Variants in PTPRB observed in about 807,000 individuals in gnomAD.
PTPRB encodes the protein protein tyrosine phosphatase receptor type B, also known as receptor-type tyrosine-protein phosphatase beta.
In PTPRB, 97 loss-of-function variants were observed where a neutral mutation model predicts 238.1. That is an observed-to-expected ratio of 0.41 (90% confidence interval 0.35 to 0.48). PTPRB has a LOEUF of 0.48. Among genes scored for constraint, PTPRB ranks in the 20% least tolerant of loss-of-function variants. The probability of loss-of-function intolerance (pLI) is 0.30; values close to 1 mark genes in which losing one functional copy is unlikely to be tolerated. For missense variants in PTPRB, 2,292 were observed against 2,681.9 expected, an observed-to-expected ratio of 0.85 and a Z score of 3.21; for synonymous variants, 970 against 995.4, an observed-to-expected ratio of 0.97 and a Z score of 0.48.
chr12:70,541,027 T>A lies in PTPRB; in HGVS notation c.5495-70A>T, dbSNP rs550498370. The stretch of plus-strand genomic sequence containing the variant: ...AGTGCTAGGGAACCAGTAAGAAAGC[T>A]ATTGAAGCCATATCTCCCAAGTAAT... On this transcript the variant is annotated intron_variant, in intron 22 of 33. Coordinates refer to ENST00000334414, the MANE Select transcript of PTPRB (RefSeq NM_001109754.4). 3.8e-5 allele frequency: 47 copies of A among 1,226,192 alleles called. No homozygotes were observed. In the African/African-American group the frequency reaches 7.0e-4, roughly 18 times the overall value. The allele number at this position is 1,226,192 out of a possible 1,614,324, so 76.0% of individuals were successfully genotyped here. A position where few individuals can be genotyped will look rare whatever the true frequency, so the allele number is the denominator to read the frequency against.
At chr12:70,606,118 C>A (rs1180804836) in intron 4 of PTPRB, among the ~76,000 whole-genome samples, 1 of 152,124 alleles carries the variant, frequency 6.6e-6, no homozygotes, top group East Asian at 1.9e-4. Context: ...AGTCCTCATC[C>A]AGAAAAGATG....
At chr12:70,523,401 A>AT (rs138400521) in intron 33 of PTPRB, among the ~76,000 whole-genome samples, 10,171 of 150,482 alleles carry the variant, frequency 0.068, 396 homozygotes, top group Middle Eastern at 0.11. Context: ...TTCATGCATA[A>AT]TTTTTTTTTT....
chr12:70,610,436 TCTTC>T (rs1884377328), intron 3 of PTPRB, among the ~76,000 whole-genome samples: 1 of 123,392 alleles, frequency 8.1e-6, no homozygotes, highest in Non-Finnish European at 1.6e-5. Context: ...CCCCTCCCTA[TCTTC>T]CTTCCTATCT....
intron 32 of PTPRB, among the ~76,000 whole-genome samples, chr12:70,529,282 G>A (rs892249203): frequency 5.9e-5 from 9 of 152,168 alleles, no homozygotes; most frequent in African/African-American, 1.9e-4. Context: ...GATATTGACA[G>A]TAGAGTCCCT....
intron 8 of PTPRB, among the ~76,000 whole-genome samples, chr12:70,588,420 G>A (rs1436248741): frequency 1.3e-5 from 2 of 152,108 alleles, no homozygotes; most frequent in Non-Finnish European, 2.9e-5. Context: ...GATCACCTGA[G>A]GTCAAGAGTT....
At chr12:70,565,501 G>A (rs1044849579) in intron 15 of PTPRB, among the ~76,000 whole-genome samples, 1 of 152,184 alleles carries the variant, frequency 6.6e-6, no homozygotes, top group Non-Finnish European at 1.5e-5. Flanking sequence ...CTTTTATGAA[G>A]ATGTCTCAAT....
In PTPRB at chr12:70,590,052, C is replaced by T. The variant is rs753280503; in HGVS notation, c.1962G>A (p.Thr654=). 2 of 1,613,918 alleles carry T rather than the reference C, an allele frequency of 1.2e-6. No homozygotes were observed. The highest frequency in any genetic ancestry group is 2.2e-5 in the East Asian group (1 of 44,874). The part of the protein sequence containing the change: ...KEETQYVMDD[T]GLVPGRQYEV... ...CATACTGTCTTCCCGGTACGAGCCC[C>T]GTGTCATCCATGACATACTGTGTTT... The change falls in exon 8 of 34, where the codon ACG becomes ACA. Residue 654 remains threonine, a synonymous_variant. Coordinates refer to ENST00000334414, the MANE Select transcript of PTPRB (RefSeq NM_001109754.4).
chr12:70,534,726 G>A (rs1429739824), intron 30 of PTPRB, 75 bp from the exon 31 acceptor site: 1 of 1,597,848 alleles, frequency 6.3e-7, no homozygotes, highest in South Asian at 1.1e-5. Context: ...GAGCCATGGA[G>A]CAACTCCTAT....
intron 32 of PTPRB, among the ~76,000 whole-genome samples, chr12:70,524,859 ATGTGTG>A (rs200984866): frequency 1.3e-5 from 2 of 150,474 alleles, no homozygotes; most frequent in East Asian, 3.9e-4. Flanking sequence ...ATGTGTGTAT[ATGTGTG>A]TATATATGTG....
At position 70,592,554 on chromosome 12, in the gene PTPRB, G is replaced by A. The variant is rs771638853; in HGVS notation, c.1517-9C>T. ...TGAGACTTCCATGGGGGCTAATCAG[G>A]AAAGAACAGAAAGGAGACTTTTACT... On this transcript the variant is annotated splice_polypyrimidine_tract_variant and intron_variant, in intron 6 of 33. Coordinates refer to ENST00000334414, the MANE Select transcript of PTPRB (RefSeq NM_001109754.4). 6.2e-6 allele frequency: 10 copies of A among 1,609,168 alleles called. No homozygotes were observed. The highest frequency in any genetic ancestry group is 7.6e-6 in the Non-Finnish European group (9 of 1,177,802).
Position 70,525,990 on chromosome 12 carries a change from G to A in PTPRB, c.6505-1399C>T, listed in dbSNP as rs575192134. Among the ~76,000 whole-genome samples, 4 of 152,288 alleles carry A rather than the reference G, an allele frequency of 2.6e-5. No individual in the cohort carries two copies. The East Asian group carries it at 7.7e-4, about 29-fold the overall frequency. ...AGACCTTGTGTTTAAGGCAATCAGT[G>A]TAGTCAGTCTTAAAAGTATTTTAGA... On this transcript the variant is annotated intron_variant, in intron 32 of 33. Transcript: ENST00000334414.
intron 11 of PTPRB, among the ~76,000 whole-genome samples, chr12:70,575,219 A>G (rs1592514213): frequency 6.6e-6 from 1 of 152,162 alleles, no homozygotes; most frequent in African/African-American, 2.4e-5. Context: ...CAGCCCTGCA[A>G]CCCTGGAGAA....
chr12:70,531,685 G>A (rs576233180), intron 32 of PTPRB, among the ~76,000 whole-genome samples: 7 of 152,306 alleles, frequency 4.6e-5, no homozygotes, highest in African/African-American at 9.6e-5. Context: ...ATGGAAGCAC[G>A]TGGTCTTTAC....
intron 3 of PTPRB, among the ~76,000 whole-genome samples, chr12:70,619,051 G>A (rs1198674094): frequency 6.6e-6 from 1 of 152,078 alleles, no homozygotes; most frequent in African/African-American, 2.4e-5. Context: ...TCTTGCAGTA[G>A]CATTAGAGAG....
rs766739697 is a variant in PTPRB, at chr12:70,622,599, G to A, written c.499C>T (p.Pro167Ser). The change falls in exon 3 of 34, where the codon CCA becomes TCA. Residue 167 changes from proline (P) to serine (S), a missense_variant. By Grantham distance (74) the Pro-to-Ser change is moderately conservative. Around this residue, in one of 4 missense-constraint regions of PTPRB, gnomAD observed 1,205 missense variants for 1,287.8 expected, o/e 0.94. Coordinates refer to ENST00000334414, the MANE Select transcript of PTPRB (RefSeq NM_001109754.4). Reference sequence around the variant, plus strand: ...TTAAAGGTAGTGAGAATCTGGGGTGGAGCCGTGTTTCTAGTGCTCCTCACC... The same window carrying A: ...TTAAAGGTAGTGAGAATCTGGGGTGAAGCCGTGTTTCTAGTGCTCCTCACC... ...VSVRSTRNTAPPQILTTFNAV... is the reference protein window; with the variant it reads ...VSVRSTRNTASPQILTTFNAV... 6.3e-7 allele frequency: 1 copy of A among 1,588,288 alleles called. No individual in the cohort carries two copies. The highest frequency in any genetic ancestry group is 8.6e-7 in the Non-Finnish European group (1 of 1,166,200).
At chr12:70,618,009 G>C (rs566761079) in intron 3 of PTPRB, among the ~76,000 whole-genome samples, 15 of 152,314 alleles carry the variant, frequency 9.8e-5, no homozygotes, top group African/African-American at 3.1e-4. Context: ...GGCAAGGTAG[G>C]AATGATGAAG....
At chr12:70,571,404 C>T in intron 12 of PTPRB, 115 bp from the exon 13 acceptor site, 3 of 1,027,562 alleles carry the variant, frequency 2.9e-6, no homozygotes, top group Non-Finnish European at 4.2e-6. Context: ...CCAAATAAAC[C>T]ACTAGCACTA....
rs113062968 is a variant in PTPRB at position 70,560,655 on chromosome 12, C to T, written c.4432+16G>A. ...CTTCCCACCATCCCTTGGCCATTGG[C>T]ACCTGGGCTTCTCACCTGTTCTGCT... On this transcript the variant is annotated intron_variant, in intron 17 of 33. Transcript: ENST00000334414. This position sits in a 1 kb window ranked among gnomAD's most constrained non-coding sequence, Gnocchi z 4.2. 2 of 1,611,788 alleles carry T rather than the reference C, an allele frequency of 1.2e-6. No individual in the cohort carries two copies. Among genetic ancestry groups the T allele is most frequent in the African/African-American group, 1.3e-5 (1 of 74,968 alleles).
rs1208282007 is a variant in PTPRB, at chr12:70,571,872, T to A, written c.3058A>T (p.Thr1020Ser). 1.9e-6 allele frequency: 3 copies of A among 1,614,006 alleles called. No homozygotes were observed. In the South Asian group the frequency reaches 3.3e-5, roughly 18 times the overall value. The change falls in exon 12 of 34, where the codon ACA becomes TCA. Residue 1020 changes from threonine to serine, a missense_variant. Physicochemically the swap from Thr to Ser is moderately conservative, Grantham distance 58. Coordinates refer to ENST00000334414, the MANE Select transcript of PTPRB (RefSeq NM_001109754.4). The stretch of plus-strand genomic sequence containing the variant: ...TTGGCTTCATATTGTCCACTTTTTG[T>A]AGTAACAGTGACACTGTACAACCGT... Reference protein sequence around the residue: ...PGRLYSVTVTTKSGQYEANEQ... With the variant: ...PGRLYSVTVTSKSGQYEANEQ...
Sources: gnomAD v4.1 joint callset for allele counts (sites outside exome capture counted in the v4.1 genomes callset) on GRCh38, gnomAD v4.1.1 for gene constraint, gnomAD v4.1.1 regional missense constraint, Gnocchi (gnomAD v3.1) non-coding constraint, MANE v1.5 for transcripts, NCBI Gene and HGNC (gene_info 2026-07-23, HGNC 2026-07-21) for gene names.